Variants in MACROD2 observed in about 807,000 individuals in gnomAD.
MACROD2 encodes mono-ADP ribosylhydrolase 2, also known as ADP-ribose glycohydrolase MACROD2.
MACROD2 carries 36 observed loss-of-function variants against 70.4 expected under a neutral mutation model. That is an observed-to-expected ratio of 0.51 (90% CI 0.39 to 0.68). The LOEUF (loss-of-function observed/expected upper bound fraction) is 0.68, where lower values mean the gene tolerates loss of function less well. Ranked by LOEUF, MACROD2 falls within the 30% of genes least tolerant of loss-of-function variation. MACROD2 has a pLI of 0.00. For synonymous variants in MACROD2, 172 were observed against 178.8 expected (o/e 0.96, Z 0.30); for missense variants, 496 against 538.4 (o/e 0.92, Z 0.78).
At chr20:15,962,150 C>T (rs1460426313) in intron 12 of MACROD2, among the ~76,000 whole-genome samples, 1 of 152,216 alleles carries the variant, frequency 6.6e-6, no homozygotes, top group Admixed American at 6.5e-5. Context: ...CACCTTACTG[C>T]TTCTCCCACT....
intron 5 of MACROD2, among the ~76,000 whole-genome samples, chr20:14,871,166 C>A (rs574829689): frequency 1.3e-5 from 2 of 152,106 alleles, no homozygotes; most frequent in African/African-American, 4.8e-5. Context: ...ATGTAGAGAA[C>A]CCCAGTAAGA....
chr20:14,774,042 A>G (rs953673077), intron 5 of MACROD2, among the ~76,000 whole-genome samples: 3 of 152,048 alleles, frequency 2.0e-5, no homozygotes, highest in African/African-American at 7.2e-5. Context: ...TTTATAATAT[A>G]CATTTACTTG....
At position 15,256,037 on chromosome 20, in the gene MACROD2, A is replaced by T. The variant is rs143928156; in HGVS notation, c.540+25976A>T. Among the ~76,000 whole-genome samples the T allele has an allele frequency of 5.6e-3, 845 of 152,154 alleles. 4 individuals are homozygous for T. The highest frequency in any genetic ancestry group is 8.6e-3 in the Non-Finnish European group (588 of 68,002). On this transcript the variant is annotated intron_variant, in intron 6 of 17. Coordinates refer to ENST00000684519, the MANE Select transcript of MACROD2 (RefSeq NM_001351661.2). Reference sequence around the variant, plus strand: ...CCTTTTTTTCTTGCTTAATCCCTGGATATCTTTCTAATGTCACGTAGCCAA... The same window carrying T: ...CCTTTTTTTCTTGCTTAATCCCTGGTTATCTTTCTAATGTCACGTAGCCAA...
At chr20:14,829,194 A>G (rs963259051) in intron 5 of MACROD2, among the ~76,000 whole-genome samples, 1 of 144,826 alleles carries the variant, frequency 6.9e-6, no homozygotes, top group African/African-American at 2.6e-5. Context: ...CAGTGGCACA[A>G]CCTCCCCTCA....
chr20:15,294,119 C>CT (rs1465081922), intron 6 of MACROD2, among the ~76,000 whole-genome samples: 2 of 75,138 alleles, frequency 2.7e-5, no homozygotes, highest in Non-Finnish European at 6.0e-5. Flanking sequence ...AAAACTCTGT[C>CT]TAAAAAAAAA....
chr20:14,557,958 T>C (rs540425737), intron 4 of MACROD2, among the ~76,000 whole-genome samples: 38 of 151,876 alleles, frequency 2.5e-4, no homozygotes, highest in Admixed American at 4.6e-4. Context: ...AGCCCCAAAA[T>C]GGAACAACTT....
At chr20:14,736,994 G>T (rs1249900592) in intron 5 of MACROD2, among the ~76,000 whole-genome samples, 2 of 151,950 alleles carry the variant, frequency 1.3e-5, no homozygotes, top group African/African-American at 2.4e-5. Flanking sequence ...TGGGACACGT[G>T]TGCAGAATGT....
chr20:15,519,118 CCTTTCTTT>C (rs1277113232), intron 8 of MACROD2, among the ~76,000 whole-genome samples: 2 of 91,016 alleles, frequency 2.2e-5, no homozygotes, highest in South Asian at 3.6e-4. Flanking sequence ...TTCCTTCCTT[CCTTTCTTT>C]CTTTCTTTTT....
intron 5 of MACROD2, among the ~76,000 whole-genome samples, chr20:15,106,857 C>A (rs1355944685): frequency 3.3e-5 from 5 of 151,576 alleles, no homozygotes; most frequent in African/African-American, 1.2e-4. Context: ...TTTGGTATAG[C>A]AACAGCATTG....
intron 2 of MACROD2, among the ~76,000 whole-genome samples, chr20:14,073,845 T>A (rs1435876762): frequency 2.0e-5 from 3 of 152,236 alleles, no homozygotes; most frequent in Non-Finnish European, 4.4e-5. Context: ...CAAATATGAC[T>A]TTTTGAACAG....
At chr20:15,345,509 A>G (rs1170462433) in intron 6 of MACROD2, among the ~76,000 whole-genome samples, 2 of 152,184 alleles carry the variant, frequency 1.3e-5, no homozygotes, top group Admixed American at 1.3e-4. Flanking sequence ...CTACTGGCCA[A>G]ATCTGTGCCC....
intron 5 of MACROD2, among the ~76,000 whole-genome samples, chr20:14,843,082 C>T (rs901419042): frequency 6.6e-6 from 1 of 151,946 alleles, no homozygotes; most frequent in African/African-American, 2.4e-5. Flanking sequence ...TGCTAGCTCC[C>T]CTTCTACCAT....
At chr20:15,712,751 A>ATAAG (rs1408268525) in intron 8 of MACROD2, among the ~76,000 whole-genome samples, 2 of 152,196 alleles carry the variant, frequency 1.3e-5, no homozygotes, top group Non-Finnish European at 2.9e-5. Context: ...AGCCCTGGTA[A>ATAAG]TAAGAACACC....
intron 5 of MACROD2, among the ~76,000 whole-genome samples, chr20:15,092,173 C>A (rs1050381120): frequency 1.3e-5 from 2 of 151,798 alleles, no homozygotes; most frequent in Admixed American, 6.6e-5. Context: ...CCAATTGTGG[C>A]CATTTAAATA....
chr20:14,884,767 G>A lies in MACROD2; in HGVS notation c.418+199808G>A, dbSNP rs1456654500. Among the ~76,000 whole-genome samples, 6 of 152,082 alleles carry A rather than the reference G, an allele frequency of 3.9e-5. 1 individual carries two copies. Among genetic ancestry groups the A allele is most frequent in the African/African-American group, 4.8e-5 (2 of 41,398 alleles). ...TGGAATTGAGGCACAACTGACCAGC[G>A]TTAATATTGAAACAGAAACGTTAAA... is the stretch of plus-strand genomic sequence containing the variant. On this transcript the variant is annotated intron_variant, in intron 5 of 17. Coordinates refer to ENST00000684519, the MANE Select transcript of MACROD2 (RefSeq NM_001351661.2).
intron 8 of MACROD2, among the ~76,000 whole-genome samples, chr20:15,819,400 T>A (rs899630313): frequency 2.8e-5 from 4 of 142,594 alleles, no homozygotes; most frequent in Admixed American, 7.2e-5. Flanking sequence ...ATATATAAAA[T>A]ATTTATATAT....
chr20:15,586,446 A>G (rs2048602782), intron 8 of MACROD2, among the ~76,000 whole-genome samples: 1 of 152,224 alleles, frequency 6.6e-6, no homozygotes, highest in Admixed American at 6.5e-5. Context: ...TTAAAATTTT[A>G]TCTATTGGTT....
chr20:15,962,172 T>G (rs1483303826), intron 12 of MACROD2, among the ~76,000 whole-genome samples: 1 of 152,206 alleles, frequency 6.6e-6, no homozygotes, highest in African/African-American at 2.4e-5. Context: ...TCAACCTTTA[T>G]TTTGTAAGTA....
At chr20:15,718,616 T>C (rs1384305805) in intron 8 of MACROD2, among the ~76,000 whole-genome samples, 2 of 152,156 alleles carry the variant, frequency 1.3e-5, no homozygotes, top group Admixed American at 1.3e-4. Flanking sequence ...GCCTTCCTCC[T>C]TAAAACCGAC....
Sources: gnomAD v4.1 joint callset for allele counts (sites outside exome capture counted in the v4.1 genomes callset) on GRCh38, gnomAD v4.1.1 for gene constraint, MANE v1.5 for transcripts, NCBI Gene and HGNC (gene_info 2026-07-23, HGNC 2026-07-21) for gene names.